Variants in ARHGAP42 observed in about 807,000 individuals in gnomAD.
ARHGAP42 encodes Rho GTPase activating protein 42, also known as rho GTPase-activating protein 42.
Under a neutral mutation model 125.0 loss-of-function variants are expected in ARHGAP42, and 63 were observed. The observed-to-expected ratio is 0.50, with a 90% CI of 0.41 to 0.62. The LOEUF (loss-of-function observed/expected upper bound fraction) is 0.62. Ranked by LOEUF, ARHGAP42 falls within the 20% of genes least tolerant of loss-of-function variation. ARHGAP42 has a pLI of 0.00. For missense variants in ARHGAP42, 766 were observed against 1,024.2 expected (o/e 0.75, Z 3.44); for synonymous variants, 339 against 351.0 (o/e 0.97, Z 0.38).
chr11:100,700,722 C>G (rs1374022079), intron 1 of ARHGAP42, among the ~76,000 whole-genome samples: 1 of 152,344 alleles, frequency 6.6e-6, no homozygotes, highest in African/African-American at 2.4e-5. Flanking sequence ...AATGCCACTT[C>G]TCTTGCTATT....
rs1867269896 is a variant in ARHGAP42, at chr11:100,921,595, T to C, written c.588T>C (p.Phe196=). 6.5e-7 allele frequency: 1 copy of C among 1,533,026 alleles called. No homozygotes were observed. The highest frequency in any genetic ancestry group is 1.4e-5 in the African/African-American group (1 of 72,052). The allele number at this position is 1,533,026 out of a possible 1,614,324, so 95.0% of individuals were successfully genotyped here. The change falls in exon 6 of 24, where the codon TTT becomes TTC. Residue 196 remains phenylalanine (F), a synonymous_variant. Transcript: ENST00000298815. Reference sequence around the variant, plus strand: ...TCCAAGAAAAAAAGAAGTTTGAATTTGTTGAACCGGTAAGTTTCAGATTTT... The same window carrying C: ...TCCAAGAAAAAAAGAAGTTTGAATTCGTTGAACCGGTAAGTTTCAGATTTT... The part of the protein sequence containing the change: ...QEVQEKKKFE[F]VEPLLSFLQG...
chr11:100,971,285 CCTT>C lies in ARHGAP42; in HGVS notation c.1551-1889_1551-1887del, dbSNP rs1858238458. 4.0e-5 allele frequency among the ~76,000 whole-genome samples: 6 copies of C among 151,862 alleles called. 1 individual carries two copies. The South Asian group carries it at 1.3e-3, about 32-fold the overall frequency. ...CTCTGTTTATTGGATCCATGGGGCT[CCTT>C]ATGTTCTACCATTTCCATAAGTAGA... On this transcript the variant is annotated intron_variant, in intron 17 of 23. Coordinates refer to ENST00000298815, the MANE Select transcript of ARHGAP42 (RefSeq NM_152432.4).
rs756418470 is a variant in ARHGAP42 at position 100,960,911 on chromosome 11, T to A, written c.1226-4T>A. ...CGTTTTCTTGTGATTTTCCTTCCTATTAGGTATCACCATTTTAGGACTCTA... is the reference window on the plus strand; with the variant it reads ...CGTTTTCTTGTGATTTTCCTTCCTAATAGGTATCACCATTTTAGGACTCTA... On this transcript the variant is annotated splice_region_variant and splice_polypyrimidine_tract_variant and intron_variant, in intron 13 of 23. Coordinates refer to ENST00000298815, the MANE Select transcript of ARHGAP42 (RefSeq NM_152432.4). The A allele has an allele frequency of 2.0e-6, 3 of 1,513,706 alleles. No individual in the cohort carries two copies. Among genetic ancestry groups the A allele is most frequent in the Non-Finnish European group, 2.7e-6 (3 of 1,126,410 alleles). The allele number at this position is 1,513,706 out of a possible 1,614,324, so 93.8% of individuals were successfully genotyped here.
At chr11:100,835,504 T>A (rs1241057199) in intron 3 of ARHGAP42, among the ~76,000 whole-genome samples, 1 of 152,118 alleles carries the variant, frequency 6.6e-6, no homozygotes, top group African/African-American at 2.4e-5. Flanking sequence ...CATCACTGTT[T>A]CTTTGTGGCC....
intron 3 of ARHGAP42, among the ~76,000 whole-genome samples, chr11:100,852,525 G>A (rs1865228369): frequency 6.6e-6 from 1 of 152,090 alleles, no homozygotes; most frequent in Admixed American, 6.6e-5. Context: ...CGGGAGGAAG[G>A]GAGTGATATA....
intron 3 of ARHGAP42, among the ~76,000 whole-genome samples, chr11:100,843,463 C>T (rs1864988298): frequency 6.6e-6 from 1 of 151,994 alleles, no homozygotes; most frequent in South Asian, 2.1e-4. Flanking sequence ...AGCAATCATT[C>T]AAGAGAAAGA....
intron 4 of ARHGAP42, among the ~76,000 whole-genome samples, chr11:100,907,565 A>T (rs1866773460): frequency 6.6e-6 from 1 of 152,152 alleles, no homozygotes; most frequent in Non-Finnish European, 1.5e-5. Context: ...GTTGGGTGGA[A>T]TCACCCACAG....
In ARHGAP42 at chr11:100,959,899, A is replaced by G; in HGVS notation, c.1179A>G (p.Ala393=). ...SKKEEMYLNE[A]GFNFVRKCIQ... The stretch of plus-strand genomic sequence containing the variant: ...TATTTTCAGTGTATTTGAATGAAGC[A>G]GGGTTCAACTTTGTGAGAAAATGCA... Residue 393 remains alanine, a synonymous_variant, in exon 13 of 24, where the codon GCA becomes GCG. Transcript: ENST00000298815. The G allele has an allele frequency of 6.4e-7, 1 of 1,551,486 alleles. No homozygotes were observed. The highest frequency in any genetic ancestry group is 1.2e-5 in the South Asian group (1 of 84,050).
rs534928872 is a variant in ARHGAP42, at chr11:100,692,634, A to G, written c.154+4802A>G. Among the ~76,000 whole-genome samples the G allele has an allele frequency of 5.3e-5, 8 of 152,278 alleles. No individual in the cohort carries two copies. In the South Asian group the frequency reaches 1.7e-3, roughly 32 times the overall value. ...TCTGGTAGCAGTTGTTCCTGGCACT[A>G]GTGATCCATGACCCAAATGAAGATG... On this transcript the variant is annotated intron_variant, in intron 1 of 23. Transcript: ENST00000298815.
chr11:100,987,572 A>C lies in ARHGAP42; in HGVS notation c.2516A>C (p.Gln839Pro). The C allele has an allele frequency of 6.4e-7, 1 of 1,551,676 alleles. No individual in the cohort carries two copies. The highest frequency in any genetic ancestry group is 1.2e-5 in the South Asian group (1 of 84,058). The change falls in exon 23 of 24, where the codon CAA (glutamine) becomes CCA (proline). Residue 839 changes from glutamine to proline, a missense_variant. Gln to Pro is a moderately conservative substitution (Grantham distance 76, BLOSUM62 -1). Transcript: ENST00000298815. Reference sequence around the variant, plus strand: ...CACAGTCATGAGCTTTCCTTCCCACAAGGAGCAATATTTTCTAATGGTAAG... The same window carrying C: ...CACAGTCATGAGCTTTCCTTCCCACCAGGAGCAATATTTTCTAATGGTAAG... ...AEHSHELSFP[Q>P]GAIFSNVYPS...
intron 1 of ARHGAP42, among the ~76,000 whole-genome samples, chr11:100,720,667 T>C (rs190603535): frequency 7.5e-6 from 1 of 132,878 alleles, no homozygotes; most frequent in Non-Finnish European, 1.6e-5. Flanking sequence ...TATATGACTG[T>C]ATTGGTTGAG....
intron 1 of ARHGAP42, among the ~76,000 whole-genome samples, chr11:100,705,032 A>G (rs34296918): frequency 0.037 from 5,213 of 140,280 alleles, 140 homozygotes; most frequent in Middle Eastern, 0.076. Flanking sequence ...AAAAAAAAAA[A>G]AGAGAGAAGA....
At chr11:100,871,332 G>A (rs544882239) in intron 4 of ARHGAP42, among the ~76,000 whole-genome samples, 1 of 151,824 alleles carries the variant, frequency 6.6e-6, no homozygotes, top group South Asian at 2.1e-4. Context: ...GATCACTTGA[G>A]GTCAGGAGTT....
chr11:100,687,655 G>C lies in ARHGAP42; in HGVS notation c.-24G>C, dbSNP rs777590730. The C allele has an allele frequency of 1.4e-6, 2 of 1,426,168 alleles. No individual in the cohort carries two copies. The highest frequency in any genetic ancestry group is 4.7e-5 in the Admixed American group (2 of 42,152). 88.3% of individuals were successfully genotyped at this position (1,426,168 alleles called of 1,614,324 possible). On this transcript the variant is annotated 5_prime_UTR_variant, in exon 1 of 24. Coordinates refer to ENST00000298815, the MANE Select transcript of ARHGAP42 (RefSeq NM_152432.4). ...GACCTCCGGCCCGGACGTGTCCGCG[G>C]CCGCCGCTGGCAGCGCCTGTGCCAT...
At chr11:100,929,123 A>G (rs1158501073) in intron 6 of ARHGAP42, among the ~76,000 whole-genome samples, 3 of 152,144 alleles carry the variant, frequency 2.0e-5, no homozygotes, top group African/African-American at 4.8e-5. Context: ...TCCATGAAAA[A>G]ATTGGTGAGG....
Position 100,988,777 on chromosome 11 carries a change from A to G in ARHGAP42, c.2601A>G (p.Pro867=), listed in dbSNP as rs1858754384. The change falls in exon 24 of 24, where the codon CCA becomes CCG. Residue 867 remains proline (P), a synonymous_variant. Transcript: ENST00000298815. ...ATYEGKTGLV[P]ENYVVFL ...ATGAAGGCAAAACAGGACTAGTTCCAGAAAATTATGTTGTCTTCCTCTAAT... is the reference window on the plus strand; with the variant it reads ...ATGAAGGCAAAACAGGACTAGTTCCGGAAAATTATGTTGTCTTCCTCTAAT... The G allele has an allele frequency of 6.5e-7, 1 of 1,550,122 alleles. No homozygotes were observed. Among genetic ancestry groups the G allele is most frequent in the Non-Finnish European group, 8.7e-7 (1 of 1,146,170 alleles).
chr11:100,790,384 G>A (rs1399942696), intron 2 of ARHGAP42, among the ~76,000 whole-genome samples: 1 of 151,454 alleles, frequency 6.6e-6, no homozygotes, highest in African/African-American at 2.4e-5. Context: ...ATATTATGTT[G>A]TAGAGATAAA....
chr11:100,783,606 G>T (rs1226713835), intron 2 of ARHGAP42, among the ~76,000 whole-genome samples: 1 of 152,190 alleles, frequency 6.6e-6, no homozygotes, highest in Non-Finnish European at 1.5e-5. Context: ...AGGGCCACTT[G>T]TTTGTAGGGA....
intron 10 of ARHGAP42, 115 bp from the exon 11 acceptor site, chr11:100,948,342 T>A: frequency 1.4e-6 from 1 of 725,724 alleles, no homozygotes; most frequent in Non-Finnish European, 2.1e-6. Context: ...TTTTCTCCTC[T>A]GTCTTCATTT....
Sources: gnomAD v4.1 joint callset for allele counts (sites outside exome capture counted in the v4.1 genomes callset) on GRCh38, gnomAD v4.1.1 for gene constraint, MANE v1.5 for transcripts, NCBI Gene and HGNC (gene_info 2026-07-23, HGNC 2026-07-21) for gene names.